GABRB3: variants seen among roughly 807,000 people sequenced by gnomAD.
GABRB3 encodes gamma-aminobutyric acid receptor subunit beta-3.
Under a neutral mutation model 52.1 loss-of-function variants are expected in GABRB3, and 14 were observed. That is an observed-to-expected ratio of 0.27 (90% CI 0.18 to 0.42). The LOEUF is 0.42. GABRB3 is among the 10% of genes least tolerant of loss of function. The pLI, the probability that GABRB3 is intolerant of heterozygous loss-of-function variation, is 1.00. For missense variants in GABRB3, 307 were observed against 609.1 expected (o/e 0.50, Z 5.22); for synonymous variants, 260 against 232.3 (o/e 1.12, Z -1.08).
intron 4 of GABRB3, among the ~76,000 whole-genome samples, chr15:26,607,579 A>C (rs1038025306): frequency 7.4e-6 from 1 of 134,708 alleles, no homozygotes; most frequent in African/African-American, 2.6e-5. Flanking sequence ...CTAAAAAAAA[A>C]CTCACCAAAC....
intron 3 of GABRB3, among the ~76,000 whole-genome samples, chr15:26,756,864 C>T (rs139918280): frequency 6.6e-6 from 1 of 152,246 alleles, no homozygotes; most frequent in East Asian, 1.9e-4. Context: ...CATAAGTTTG[C>T]AGCTCTGAAA....
chr15:26,772,891 G>A lies in GABRB3; in HGVS notation c.72C>T (p.Cys24=). 1 of 1,490,508 alleles carries A rather than the reference G, an allele frequency of 6.7e-7. No individual in the cohort carries two copies. Among genetic ancestry groups the A allele is most frequent in the Middle Eastern group, 2.3e-4 (1 of 4,434 alleles). The allele number at this position is 1,490,508 out of a possible 1,614,324, so 92.3% of individuals were successfully genotyped here. A position where few individuals can be genotyped will look rare whatever the true frequency, so the allele number is the denominator to read the frequency against. The change falls in exon 1 of 9, where the codon TGC becomes TGT. Residue 24 remains cysteine, a synonymous_variant. Transcript: ENST00000311550. Reference sequence around the variant, plus strand: ...CCCACCCGCGACCCTACCTCTGGGCGCAGCACACCACAGCCACCAGCACCG... The same window carrying A: ...CCCACCCGCGACCCTACCTCTGGGCACAGCACACCACAGCCACCAGCACCG... ...SAPVLVAVVC[C]AQSVNDPGNM...
chr15:26,701,534 G>A (rs145796965), intron 3 of GABRB3, among the ~76,000 whole-genome samples: 11 of 152,208 alleles, frequency 7.2e-5, no homozygotes, highest in African/African-American at 2.2e-4. Flanking sequence ...GACAAAAGAC[G>A]TGAATGACCT....
intron 3 of GABRB3, among the ~76,000 whole-genome samples, chr15:26,694,176 T>C (rs1352519971): frequency 6.6e-6 from 1 of 152,178 alleles, no homozygotes; most frequent in South Asian, 2.1e-4. Flanking sequence ...AAGGCCTATC[T>C]GCAAGGATAA....
intron 3 of GABRB3, among the ~76,000 whole-genome samples, chr15:26,755,745 A>G (rs1032103001): frequency 6.6e-6 from 1 of 152,242 alleles, no homozygotes; most frequent in Non-Finnish European, 1.5e-5. Context: ...CATGGATAAA[A>G]AACCTGAAAA....
At chr15:26,578,406 A>G (rs1156317107) in intron 6 of GABRB3, among the ~76,000 whole-genome samples, 9 of 152,212 alleles carry the variant, frequency 5.9e-5, no homozygotes, top group Admixed American at 4.6e-4. Flanking sequence ...TGGTAGCCCC[A>G]TGGGTCTGTG....
chr15:26,772,599 G>A (rs1891181228), intron 2 of GABRB3, 82 bp downstream of exon 2: 1 of 1,439,848 alleles, frequency 6.9e-7, no homozygotes, highest in South Asian at 1.3e-5. Context: ...CTGCTCCGCG[G>A]ATGCGGCCCC....
intron 3 of GABRB3, among the ~76,000 whole-genome samples, chr15:26,709,515 C>CTTTTTTTTTTTTTTTTTTTTTTTTT (rs57044167): frequency 2.5e-4 from 23 of 92,004 alleles, no homozygotes; most frequent in South Asian, 9.3e-4. Context: ...TTTTTTCTTT[C>CTTTTTTTTTTTTTTTTTTTTTTTTT]TTTTTTTTTT....
chr15:26,619,686 A>C, intron 4 of GABRB3, among the ~76,000 whole-genome samples: 1 of 152,078 alleles, frequency 6.6e-6, no homozygotes, highest in Middle Eastern at 3.4e-3. Context: ...AAAATAAATA[A>C]ATAAAAAATA....
At chr15:26,634,709 C>T (rs1490247116) in intron 3 of GABRB3, among the ~76,000 whole-genome samples, 1 of 151,836 alleles carries the variant, frequency 6.6e-6, no homozygotes, top group Non-Finnish European at 1.5e-5. Flanking sequence ...TCCAACTCAA[C>T]ACAATATAAT....
chr15:26,572,349 T>A (rs1473447874), intron 6 of GABRB3, among the ~76,000 whole-genome samples: 1 of 152,188 alleles, frequency 6.6e-6, no homozygotes, highest in East Asian at 1.9e-4. Context: ...GCACCTCTGG[T>A]GTATGAGACA....
intron 7 of GABRB3, among the ~76,000 whole-genome samples, chr15:26,563,308 G>A (rs1323345947): frequency 6.6e-6 from 1 of 152,216 alleles, no homozygotes; most frequent in Non-Finnish European, 1.5e-5. Flanking sequence ...CTGGATCCAG[G>A]CTGATTGGCA....
intron 3 of GABRB3, among the ~76,000 whole-genome samples, chr15:26,676,662 T>C (rs969693430): frequency 6.6e-6 from 1 of 152,212 alleles, no homozygotes; most frequent in East Asian, 1.9e-4. Flanking sequence ...TAGGCATACA[T>C]ACACTCCTAA....
intron 3 of GABRB3, among the ~76,000 whole-genome samples, chr15:26,664,684 T>A (rs1424352682): frequency 2.0e-5 from 3 of 149,410 alleles, no homozygotes; most frequent in Non-Finnish European, 3.0e-5. Context: ...CAAGCCCTTA[T>A]CATTTCTTTT....
chr15:26,771,529 T>C (rs1280622362), intron 3 of GABRB3, among the ~76,000 whole-genome samples: 2 of 152,174 alleles, frequency 1.3e-5, no homozygotes, highest in African/African-American at 4.8e-5. Context: ...AGAGTGTCCC[T>C]CCGCAGAAAA....
Position 26,606,771 on chromosome 15 carries a change from T to C in GABRB3, c.461+14543A>G, listed in dbSNP as rs561447944. On this transcript the variant is annotated intron_variant, in intron 4 of 8. Transcript: ENST00000311550. ...TATATCATACATATCTGTCTATCTA[T>C]AGATAGATAGATATATCTATAGATA... 4.0e-3 allele frequency among the ~76,000 whole-genome samples: 212 copies of C among 53,222 alleles called. 6 individuals carry two copies. Among genetic ancestry groups the C allele is most frequent in the African/African-American group, 0.01 (206 of 20,346 alleles). 34.9% of individuals were successfully genotyped at this position (53,222 alleles called of 152,430 possible).
chr15:26,609,663 TA>T (rs1314398731), intron 4 of GABRB3, among the ~76,000 whole-genome samples: 1 of 152,160 alleles, frequency 6.6e-6, no homozygotes, highest in Non-Finnish European at 1.5e-5. Flanking sequence ...ATATTATTTT[TA>T]AAAAATCTGT....
intron 3 of GABRB3, among the ~76,000 whole-genome samples, chr15:26,711,952 C>A (rs573278583): frequency 6.6e-6 from 1 of 152,136 alleles, no homozygotes; most frequent in Non-Finnish European, 1.5e-5. Flanking sequence ...ATTTTAGTAT[C>A]GATCTGAGTA....
intron 4 of GABRB3, among the ~76,000 whole-genome samples, chr15:26,611,270 TA>T (rs1431290516): frequency 6.6e-6 from 1 of 152,182 alleles, no homozygotes; most frequent in East Asian, 1.9e-4. Context: ...TTTAAAACCT[TA>T]AAATTCTTTT....
Sources: gnomAD v4.1 joint callset for allele counts (sites outside exome capture counted in the v4.1 genomes callset) on GRCh38, gnomAD v4.1.1 for gene constraint, MANE v1.5 for transcripts, NCBI Gene and HGNC (gene_info 2026-07-23, HGNC 2026-07-21) for gene names.